Variants in HERC6 observed in about 807,000 individuals in gnomAD.
HERC6 encodes the protein probable E3 ubiquitin-protein ligase HERC6.
HERC6 carries 101 observed loss-of-function variants against 114.5 expected under a neutral mutation model. The ratio of observed to expected loss-of-function variants is 0.88; its 90% CI spans 0.75 to 1.04. The LOEUF is 1.04. HERC6 is among the 50% of genes least tolerant of loss of function. The probability of loss-of-function intolerance (pLI) is 0.00; values close to 1 mark genes in which losing one functional copy is unlikely to be tolerated. For synonymous variants in HERC6, 408 were observed against 436.2 expected (o/e 0.94, Z 0.81); for missense variants, 1,133 against 1,230.9 (o/e 0.92, Z 1.19).
rs145507625 is a variant in HERC6, at chr4:88,390,785, G to A, written c.570G>A (p.Gly190=). 1.1e-3 allele frequency: 1,838 copies of A among 1,614,184 alleles called. 25 individuals are homozygous for A. In the African/African-American group the frequency reaches 0.022, roughly 19 times the overall value. Residue 190 remains glycine, a synonymous_variant, in exon 4 of 23, where the codon GGG becomes GGA. Coordinates refer to ENST00000264346, the MANE Select transcript of HERC6 (RefSeq NM_017912.4). ...GIPLAQVAAG[G]AHSFALSLCG... ...CACTGGCTCAGGTGGCTGCCGGAGG[G>A]GCTCACAGCTTTGCCCTGTCTCTCT...
At chr4:88,426,039 A>G (rs1737569631) in intron 15 of HERC6, among the ~76,000 whole-genome samples, 1 of 152,196 alleles carries the variant, frequency 6.6e-6, no homozygotes, top group South Asian at 2.1e-4. Context: ...CATGGCTTAC[A>G]TGACATTTTC....
chr4:88,414,107 C>T (rs1736288369), intron 12 of HERC6, among the ~76,000 whole-genome samples: 1 of 152,018 alleles, frequency 6.6e-6, no homozygotes, highest in Non-Finnish European at 1.5e-5. Flanking sequence ...CTTCAAGGGC[C>T]TTTAACTTAA....
intron 17 of HERC6, among the ~76,000 whole-genome samples, chr4:88,432,960 A>T (rs1306943441): frequency 6.9e-6 from 1 of 144,416 alleles, no homozygotes; most frequent in Admixed American, 6.9e-5. Context: ...TGGTGGCACG[A>T]GCCTGTAGTC....
chr4:88,439,892 G>A lies in HERC6; in HGVS notation c.2574G>A (p.Lys858=). ...CCTCAAGGAGAGACTATGTTTCTAA[G>A]TATATTGATTACATTTTCAACGTCT... ...DQTNKRDYVS[K]YIDYIFNVSV... The change falls in exon 21 of 23, where the codon AAG becomes AAA. Residue 858 remains lysine (K), a synonymous_variant. Coordinates refer to ENST00000264346, the MANE Select transcript of HERC6 (RefSeq NM_017912.4). 1 of 1,150,106 alleles carries A rather than the reference G, an allele frequency of 8.7e-7. No individual in the cohort carries two copies. The highest frequency in any genetic ancestry group is 2.5e-5 in the Admixed American group (1 of 39,512). The allele number at this position is 1,150,106 out of a possible 1,614,324, so 71.2% of individuals were successfully genotyped here.
chr4:88,401,906 G>T (rs116245992), intron 8 of HERC6, among the ~76,000 whole-genome samples: 1 of 152,210 alleles, frequency 6.6e-6, no homozygotes, highest in Non-Finnish European at 1.5e-5. Flanking sequence ...GCTTTCTCCC[G>T]TGATGTTAGG....
In HERC6 at chr4:88,428,708, A is replaced by G; in HGVS notation, c.2064A>G (p.Gln688=). Residue 688 remains glutamine (Q), a synonymous_variant, in exon 16 of 23, where the codon CAA becomes CAG. Coordinates refer to ENST00000264346, the MANE Select transcript of HERC6 (RefSeq NM_017912.4). ...GCCTGGTTAAAGATGCTCTGCGTCA[A>G]TTAAGTCAAGCTGAAGCTACTGACT... ...RSRLVKDALR[Q]LSQAEATDFC... is the part of the protein sequence containing the mutation. 3 of 1,593,038 alleles carry G rather than the reference A, an allele frequency of 1.9e-6. No individual in the cohort carries two copies. The highest frequency in any genetic ancestry group is 2.3e-5 in the East Asian group (1 of 44,392).
At chr4:88,404,767 A>G (rs1721359703) in intron 8 of HERC6, 109 bp from the exon 9 acceptor site, 8 of 1,381,276 alleles carry the variant, frequency 5.8e-6, no homozygotes, top group Non-Finnish European at 7.8e-6. Flanking sequence ...AAATGCTACC[A>G]CCCAAGAGGG....
At chr4:88,380,353 A>AATATATATATAATATATAAAT (rs199868330) in intron 1 of HERC6, among the ~76,000 whole-genome samples, 15 of 35,298 alleles carry the variant, frequency 4.2e-4, no homozygotes, top group South Asian at 2.7e-3. Flanking sequence ...ATATAATATA[A>AATATATATATAATATATAAAT]ATATATATAT....
At chr4:88,381,702 C>T (rs1176307874) in intron 1 of HERC6, among the ~76,000 whole-genome samples, 2 of 151,854 alleles carry the variant, frequency 1.3e-5, no homozygotes, top group African/African-American at 4.8e-5. Flanking sequence ...GGATTACAGG[C>T]ACTCACCACC....
intron 10 of HERC6, among the ~76,000 whole-genome samples, chr4:88,406,542 T>C (rs777408366): frequency 3.8e-4 from 58 of 152,224 alleles, no homozygotes; most frequent in Non-Finnish European, 5.1e-4. Context: ...ATCTTTTCTA[T>C]GTGAAGATTG....
Position 88,390,725 on chromosome 4 carries a change from C to G in HERC6, c.510C>G (p.Ala170=), listed in dbSNP as rs1383391000. The G allele has an allele frequency of 6.8e-6, 11 of 1,613,944 alleles. No individual in the cohort carries two copies. Among genetic ancestry groups the G allele is most frequent in the Non-Finnish European group, 8.5e-6 (10 of 1,179,990 alleles). Reference sequence around the variant, plus strand: ...TGGGGAAGGAGTTCCCCTCCCAAGCCAGCCCGCAGAGGGTGAGGTCCCTGG... The same window carrying G: ...TGGGGAAGGAGTTCCCCTCCCAAGCGAGCCCGCAGAGGGTGAGGTCCCTGG... The part of the protein sequence containing the change: ...LGLGKEFPSQ[A]SPQRVRSLEG... The change falls in exon 4 of 23, where the codon GCC becomes GCG. Residue 170 remains alanine, a synonymous_variant. Coordinates refer to ENST00000264346, the MANE Select transcript of HERC6 (RefSeq NM_017912.4).
At chr4:88,430,577 T>TAA (rs1018520554) in intron 16 of HERC6, among the ~76,000 whole-genome samples, 2 of 146,624 alleles carry the variant, frequency 1.4e-5, no homozygotes, top group Admixed American at 6.8e-5. Context: ...CTCAAATAAA[T>TAA]AAATAAATAA....
intron 4 of HERC6, among the ~76,000 whole-genome samples, 190 bp from the exon 5 acceptor site, chr4:88,393,298 C>T (rs889805705): frequency 3.4e-5 from 5 of 148,838 alleles, no homozygotes; most frequent in East Asian, 2.0e-4. Context: ...AAAGATACCC[C>T]TTACATAAAA....
At position 88,423,955 on chromosome 4, in the gene HERC6, C is replaced by G. The variant is rs1042752663; in HGVS notation, c.1809C>G (p.Leu603=). ...LNFYIDRGRQ[L]FRDNHLIPAE... Reference sequence around the variant, plus strand: ...TTTATATAGATAGAGGAAGACAGCTCTTTCGGGATAACCACCTGGTAAGAA... The same window carrying G: ...TTTATATAGATAGAGGAAGACAGCTGTTTCGGGATAACCACCTGGTAAGAA... Residue 603 remains leucine (L), a synonymous_variant, in exon 14 of 23, where the codon CTC becomes CTG. Transcript: ENST00000264346. 1 of 1,505,468 alleles carries G rather than the reference C, an allele frequency of 6.6e-7. No homozygotes were observed. The highest frequency in any genetic ancestry group is 1.4e-5 in the African/African-American group (1 of 70,236). The allele number at this position is 1,505,468 out of a possible 1,614,324, so 93.3% of individuals were successfully genotyped here.
At chr4:88,387,336 G>A (rs1273092767) in intron 3 of HERC6, among the ~76,000 whole-genome samples, 1 of 152,224 alleles carries the variant, frequency 6.6e-6, no homozygotes, top group African/African-American at 2.4e-5. Context: ...GTTTGAAGCT[G>A]CAGTGAGCTA....
intron 15 of HERC6, among the ~76,000 whole-genome samples, chr4:88,425,996 G>C (rs1269569185): frequency 6.6e-6 from 1 of 152,144 alleles, no homozygotes; most frequent in Non-Finnish European, 1.5e-5. Flanking sequence ...AGCCATTTCA[G>C]TTATTCATTC....
intron 13 of HERC6, among the ~76,000 whole-genome samples, chr4:88,422,023 G>A (rs1294203103): frequency 6.6e-6 from 1 of 152,082 alleles, no homozygotes; most frequent in African/African-American, 2.4e-5. Flanking sequence ...TCGGATATAC[G>A]ATTTGCTAGT....
At chr4:88,436,484 T>A (rs1385458756) in intron 18 of HERC6, among the ~76,000 whole-genome samples, 1 of 152,202 alleles carries the variant, frequency 6.6e-6, no homozygotes, top group African/African-American at 2.4e-5. Context: ...CCTGTTTAAT[T>A]CTTTGTTGTG....
chr4:88,381,990 A>T (rs1734351050), intron 1 of HERC6, among the ~76,000 whole-genome samples: 1 of 152,078 alleles, frequency 6.6e-6, no homozygotes, highest in Non-Finnish European at 1.5e-5. Flanking sequence ...TCAAATTCTT[A>T]AAGTAGCATG....
Sources: allele counts gnomAD v4.1 joint callset (sites outside exome capture counted in the v4.1 genomes callset), GRCh38; gene constraint gnomAD v4.1.1; transcripts MANE v1.5; gene names NCBI Gene and HGNC (gene_info 2026-07-23, HGNC 2026-07-21).